CBARP: variants seen among roughly 807,000 people sequenced by gnomAD.
The protein encoded by CBARP is voltage-dependent calcium channel beta subunit-associated regulatory protein.
Under a neutral mutation model 36.3 loss-of-function variants are expected in CBARP, and 24 were observed. That is an observed-to-expected ratio of 0.66 (90% confidence interval 0.48 to 0.93). The LOEUF is 0.93. Ranked by LOEUF, CBARP falls within the 40% of genes least tolerant of loss-of-function variation. The probability of loss-of-function intolerance (pLI) is 0.00; values close to 1 mark genes in which losing one functional copy is unlikely to be tolerated. For missense variants in CBARP, 1,146 were observed against 980.4 expected (o/e 1.17, Z -2.26); for synonymous variants, 586 against 453.2 (o/e 1.29, Z -3.72).
At chr19:1,235,393 G>A in intron 4 of CBARP, 108 bp downstream of exon 4, 2 of 1,270,756 alleles carry the variant, frequency 1.6e-6, no homozygotes, top group Non-Finnish European at 2.1e-6. Flanking sequence ...CGCCCAGTCT[G>A]GTGGGGGAGA....
Position 1,235,103 on chromosome 19 carries a change from T to C in CBARP, c.353A>G (p.Glu118Gly). 1 of 1,605,566 alleles carries C rather than the reference T, an allele frequency of 6.2e-7. No individual in the cohort carries two copies. Among genetic ancestry groups the C allele is most frequent in the Non-Finnish European group, 8.5e-7 (1 of 1,176,614 alleles). ...RGEDPECQDA[E>G]TERFLSTSST... ...GCTGGTGGACAGGAAGCGTTCGGTC[T>C]CCGCATCCTGGCACTCGGGGTCCTC... Residue 118 changes from glutamate (E) to glycine (G), a missense_variant, in exon 5 of 10, where the codon GAG becomes GGG. Glu to Gly is a moderately conservative substitution (Grantham distance 98). Coordinates refer to ENST00000650044, the MANE Select transcript of CBARP (RefSeq NM_001393918.1).
At position 1,231,197 on chromosome 19, in the gene CBARP, T is replaced by TG; in HGVS notation, c.1057dup (p.Gln353ProfsTer59). On this transcript the variant is annotated frameshift_variant, in exon 9 of 10. Transcript: ENST00000650044. LOFTEE classifies it high-confidence loss of function. Reference sequence around the variant, plus strand: ...GGCAATGTACTGGATGAAGTCCTCCTGGGGGGCATCCCCCTCCTCCTGCTC... The same window carrying TG: ...GGCAATGTACTGGATGAAGTCCTCCTGGGGGGGCATCCCCCTCCTCCTGCTC... 6.2e-7 allele frequency: 1 copy of TG among 1,603,992 alleles called. No homozygotes were observed.
chr19:1,234,214 T>C lies in CBARP; in HGVS notation c.745A>G (p.Ser249Gly), dbSNP rs1396822940. ...DFAEISPSAS[S>G]DSGEGTSLDA... ...ACCGAGGTGCCTTCCCCAGAGTCGC[T>C]AGATGCCGAGGGGCTGATCTCTGCG... Residue 249 changes from serine (S) to glycine (G), a missense_variant, in exon 7 of 10, where the codon AGC becomes GGC. Coordinates refer to ENST00000650044, the MANE Select transcript of CBARP (RefSeq NM_001393918.1). 8 of 1,520,450 alleles carry C rather than the reference T, an allele frequency of 5.3e-6. No individual in the cohort carries two copies. The Admixed American group carries it at 1.6e-4, about 30-fold the overall frequency. The allele number at this position is 1,520,450 out of a possible 1,614,324, so 94.2% of individuals were successfully genotyped here. A position where few individuals can be genotyped will look rare whatever the true frequency, so the allele number is the denominator to read the frequency against.
In CBARP at chr19:1,235,060, G is replaced by C. The variant is rs752545286; in HGVS notation, c.396C>G (p.Val132=). The C allele has an allele frequency of 6.2e-7, 1 of 1,611,396 alleles. No individual in the cohort carries two copies. ...CAAACAGCGCCGCCTCATTGAAGGAGACCCGGCGGCCCGTGGAGCTGGTGG... is the reference window on the plus strand; with the variant it reads ...CAAACAGCGCCGCCTCATTGAAGGACACCCGGCGGCCCGTGGAGCTGGTGG... The part of the protein sequence containing the change: ...FLSTSSTGRR[V]SFNEAALFEQ... The change falls in exon 5 of 10, where the codon GTC becomes GTG. Residue 132 remains valine, a synonymous_variant. Transcript: ENST00000650044.
intron 9 of CBARP, 108 bp downstream of exon 9, chr19:1,230,993 C>T (rs766979616): frequency 6.5e-6 from 10 of 1,547,432 alleles, no homozygotes; most frequent in Admixed American, 1.9e-5. Flanking sequence ...GGCAGGCGAG[C>T]GCGTGTCCAC....
At position 1,235,473 on chromosome 19, in the gene CBARP, C is replaced by T. The variant is rs369190111; in HGVS notation, c.310+28G>A. The stretch of plus-strand genomic sequence containing the variant: ...GCCGAGGGGCGGATGGACAGGCGAG[C>T]GCACAGCCAGGCTGGCCAGCACCTC... On this transcript the variant is annotated intron_variant, in intron 4 of 9. Coordinates refer to ENST00000650044, the MANE Select transcript of CBARP (RefSeq NM_001393918.1). The T allele has an allele frequency of 1.5e-5, 23 of 1,557,730 alleles. No individual in the cohort carries two copies. The African/African-American group carries it at 1.7e-4, about 11-fold the overall frequency.
intron 9 of CBARP, 104 bp downstream of exon 9, chr19:1,230,997 T>A: frequency 6.5e-7 from 1 of 1,546,194 alleles, no homozygotes; most frequent in Non-Finnish European, 8.7e-7. Context: ...GGCGAGCGCG[T>A]GTCCACGGGG....
chr19:1,232,103 C>T (rs902377761), intron 8 of CBARP, among the ~76,000 whole-genome samples: 7 of 152,078 alleles, frequency 4.6e-5, no homozygotes, highest in East Asian at 1.9e-4. Context: ...ACCCCTGCCT[C>T]GGCCCCCTTC....
chr19:1,230,095 G>T lies in CBARP; in HGVS notation c.1202C>A (p.Pro401Gln), dbSNP rs764636287. The T allele has an allele frequency of 6.5e-6, 7 of 1,080,460 alleles. No homozygotes were observed. In the South Asian group the frequency reaches 1.1e-4, roughly 17 times the overall value. The allele number at this position is 1,080,460 out of a possible 1,614,324, so 66.9% of individuals were successfully genotyped here. A position where few individuals can be genotyped will look rare whatever the true frequency, so the allele number is the denominator to read the frequency against. ...AAGGASPDSP[P>Q]ERGAGSAGPE... ...CCCCGCGCTGCCCGCGCCGCGCTCCGGGGGGGAATCGGGGCTCGCTCCTCC... is the reference window on the plus strand; with the variant it reads ...CCCCGCGCTGCCCGCGCCGCGCTCCTGGGGGGAATCGGGGCTCGCTCCTCC... Residue 401 changes from proline (P) to glutamine (Q), a missense_variant, in exon 10 of 10, where the codon CCG (proline) becomes CAG (glutamine). Transcript: ENST00000650044.
Position 1,228,432 on chromosome 19 carries a change from C to T in CBARP, c.*747G>A, listed in dbSNP as rs2080845698. On this transcript the variant is annotated 3_prime_UTR_variant, in exon 10 of 10. Coordinates refer to ENST00000650044, the MANE Select transcript of CBARP (RefSeq NM_001393918.1). ...ATAAATAAAGCTTGGGAAGCTTGGA[C>T]CTGGCCGTCTGGGTTTTGTTCGCGT... is the stretch of plus-strand genomic sequence containing the variant. 1.3e-5 allele frequency: 3 copies of T among 222,348 alleles called. No individual in the cohort carries two copies. The highest frequency in any genetic ancestry group is 1.8e-4 in the South Asian group (1 of 5,476). 13.8% of individuals were successfully genotyped at this position (222,348 alleles called of 1,614,324 possible).
intron 7 of CBARP, 85 bp from the exon 8 acceptor site, chr19:1,233,721 C>T (rs988566281): frequency 3.8e-6 from 5 of 1,313,930 alleles, no homozygotes; most frequent in Admixed American, 4.5e-5. Flanking sequence ...GTCTGAGAGA[C>T]AGTCCCAAGG....
At chr19:1,235,222 G>T in intron 4 of CBARP, 77 bp from the exon 5 acceptor site, 2 of 1,365,040 alleles carry the variant, frequency 1.5e-6, no homozygotes, top group South Asian at 3.5e-5. Context: ...CTGCTCCTCC[G>T]GGCGGCCACG....
intron 4 of CBARP, 24 bp downstream of exon 4, chr19:1,235,477 C>G (rs746616398): frequency 6.4e-7 from 1 of 1,564,744 alleles, no homozygotes; most frequent in South Asian, 1.2e-5. Context: ...GGCGAGCGCA[C>G]AGCCAGGCTG....
intron 9 of CBARP, chr19:1,230,398 GA>G: frequency 7.1e-6 from 7 of 987,766 alleles, no homozygotes; most frequent in Non-Finnish European, 8.4e-6. Flanking sequence ...CCCTCCCTTG[GA>G]AGCCCCCAGG....
intron 9 of CBARP, 96 bp downstream of exon 9, chr19:1,231,005 G>A: frequency 6.5e-7 from 1 of 1,547,252 alleles, no homozygotes; most frequent in Non-Finnish European, 8.7e-7. Context: ...CGTGTCCACG[G>A]GGCCTGGAGA....
At chr19:1,232,841 C>T (rs2080911853) in intron 8 of CBARP, among the ~76,000 whole-genome samples, 1 of 152,378 alleles carries the variant, frequency 6.6e-6, no homozygotes, top group African/African-American at 2.4e-5. Context: ...CTGACCATAA[C>T]CCCACGAACA....
chr19:1,235,747 G>A (rs376729111), intron 3 of CBARP, 32 bp downstream of exon 3: 2 of 1,605,916 alleles, frequency 1.2e-6, no homozygotes, highest in African/African-American at 2.7e-5. Context: ...CAACCACCAT[G>A]CACCTGCCCA....
Position 1,229,935 on chromosome 19 carries a change from G to A in CBARP, c.1362C>T (p.Ser454=). 1 of 1,186,042 alleles carries A rather than the reference G, an allele frequency of 8.4e-7. No individual in the cohort carries two copies. Among genetic ancestry groups the A allele is most frequent in the Non-Finnish European group, 1.1e-6 (1 of 935,108 alleles). The allele number at this position is 1,186,042 out of a possible 1,614,324, so 73.5% of individuals were successfully genotyped here. Residue 454 remains serine, a synonymous_variant, in exon 10 of 10, where the codon AGC becomes AGT. Transcript: ENST00000650044. This position sits in a 1 kb window ranked among gnomAD's most constrained non-coding sequence, Gnocchi z 5.1. ...CCGAGTCGCGGTCGTTGCCGCTGCT[G>A]CTGTGGTCCGAGGCGGCCGCATGCA... The part of the protein sequence containing the change: ...LELHAAASDH[S]SSGNDRDSVR...
intron 1 of CBARP, among the ~76,000 whole-genome samples, chr19:1,236,404 C>T (rs1418066471): frequency 6.6e-6 from 1 of 152,226 alleles, no homozygotes; most frequent in Non-Finnish European, 1.5e-5. Flanking sequence ...CCGGTGCGGC[C>T]TGTCCTGCAA....
Sources: gnomAD v4.1 joint callset for allele counts (sites outside exome capture counted in the v4.1 genomes callset) on GRCh38, gnomAD v4.1.1 for gene constraint, Gnocchi (gnomAD v3.1) non-coding constraint, MANE v1.5 for transcripts, NCBI Gene and HGNC (gene_info 2026-07-23, HGNC 2026-07-21) for gene names.